PALS2: variants seen among roughly 807,000 people sequenced by gnomAD.
PALS2 encodes the protein protein PALS2.
Under a neutral mutation model 61.6 loss-of-function variants are expected in PALS2, and 27 were observed. That is an observed-to-expected ratio of 0.44 (90% CI 0.32 to 0.60). The LOEUF is 0.60. PALS2 is among the 20% of genes least tolerant of loss of function. The pLI, the probability that PALS2 is intolerant of heterozygous loss-of-function variation, is 0.05. For missense variants in PALS2, 554 were observed against 639.4 expected (o/e 0.87, Z 1.44); for synonymous variants, 236 against 218.6 (o/e 1.08, Z -0.70).
intron 9 of PALS2, among the ~76,000 whole-genome samples, chr7:24,672,654 C>G (rs757460366): frequency 1.3e-5 from 2 of 151,698 alleles, no homozygotes; most frequent in African/African-American, 4.8e-5. Context: ...GTATTTTTTT[C>G]TTTTTTATTC....
chr7:24,692,001 G>A lies in PALS2; in HGVS notation c.*4387G>A, dbSNP rs1420378580. 1 of 152,066 alleles carries A rather than the reference G, an allele frequency of 6.6e-6. No homozygotes were observed. The highest frequency in any genetic ancestry group is 1.5e-5 in the Non-Finnish European group (1 of 67,970). 9.4% of individuals were successfully genotyped at this position (152,066 alleles called of 1,614,324 possible). On this transcript the variant is annotated 3_prime_UTR_variant, in exon 12 of 12. Coordinates refer to ENST00000222644, the MANE Select transcript of PALS2 (RefSeq NM_001303037.2). The stretch of plus-strand genomic sequence containing the variant: ...CATATATTGTATACCTGAGGAAGAT[G>A]ACAGTTCTATAATTTTTTTAAGGTA...
chr7:24,629,975 G>A (rs1784925674), intron 2 of PALS2, among the ~76,000 whole-genome samples: 1 of 152,102 alleles, frequency 6.6e-6, no homozygotes, highest in African/African-American at 2.4e-5. Flanking sequence ...ATCCATTATT[G>A]GGTATATACC....
chr7:24,676,910 A>C (rs1315936102), intron 9 of PALS2, among the ~76,000 whole-genome samples: 1 of 151,142 alleles, frequency 6.6e-6, no homozygotes, highest in Non-Finnish European at 1.5e-5. Flanking sequence ...GAATTCTGTG[A>C]AGAAAGGCAT....
At chr7:24,647,605 C>T (rs181093424) in intron 3 of PALS2, among the ~76,000 whole-genome samples, 42 of 152,262 alleles carry the variant, frequency 2.8e-4, no homozygotes, top group Admixed American at 2.5e-3. Flanking sequence ...ACATTATTAG[C>T]TAGTATTCTT....
At chr7:24,607,631 A>G (rs1420872670) in intron 1 of PALS2, among the ~76,000 whole-genome samples, 1 of 149,500 alleles carries the variant, frequency 6.7e-6, no homozygotes, top group African/African-American at 2.5e-5. Flanking sequence ...GTGTATATAT[A>G]CATATATGTA....
At position 24,665,701 on chromosome 7, in the gene PALS2, C is replaced by A; in HGVS notation, c.883+14C>A. The A allele has an allele frequency of 1.2e-6, 2 of 1,602,954 alleles. No homozygotes were observed. Among genetic ancestry groups the A allele is most frequent in the Non-Finnish European group, 1.7e-6 (2 of 1,170,242 alleles). ...GGGACAATTCAGGTGATGAGCTCGACACAATAAGTAACAAGCAGTCCTTTG... is the reference window on the plus strand; with the variant it reads ...GGGACAATTCAGGTGATGAGCTCGAAACAATAAGTAACAAGCAGTCCTTTG... On this transcript the variant is annotated intron_variant, in intron 7 of 11. Coordinates refer to ENST00000222644, the MANE Select transcript of PALS2 (RefSeq NM_001303037.2).
rs1782549721 is a variant in PALS2, at chr7:24,573,924, G to T, written c.-3+331G>T. 6.6e-6 allele frequency: 1 copy of T among 152,458 alleles called. No homozygotes were observed. Among genetic ancestry groups the T allele is most frequent in the African/African-American group, 2.4e-5 (1 of 41,434 alleles). 9.4% of individuals were successfully genotyped at this position (152,458 alleles called of 1,614,324 possible). A position where few individuals can be genotyped will look rare whatever the true frequency, so the allele number is the denominator to read the frequency against. ...TGCTGCTTGCCGCCGCTCCCCACGCGCTCCCCGGCGCGGCCCCGACTGGGG... is the reference window on the plus strand; with the variant it reads ...TGCTGCTTGCCGCCGCTCCCCACGCTCTCCCCGGCGCGGCCCCGACTGGGG... On this transcript the variant is annotated intron_variant, in intron 1 of 11. Coordinates refer to ENST00000222644, the MANE Select transcript of PALS2 (RefSeq NM_001303037.2). The surrounding 1 kb of genome is among the most constrained non-coding windows in gnomAD (Gnocchi z 5.3).
chr7:24,611,506 A>G (rs938979803), intron 1 of PALS2, among the ~76,000 whole-genome samples: 3 of 152,064 alleles, frequency 2.0e-5, no homozygotes, highest in African/African-American at 7.2e-5. Flanking sequence ...ACCAAGAAGT[A>G]ATGATGTCCC....
At chr7:24,609,271 C>T in intron 1 of PALS2, among the ~76,000 whole-genome samples, 1 of 152,280 alleles carries the variant, frequency 6.6e-6, no homozygotes, top group East Asian at 1.9e-4. Context: ...CTCCCACCAG[C>T]CTTCTACCTG....
intron 5 of PALS2, among the ~76,000 whole-genome samples, chr7:24,662,406 A>G (rs555129759): frequency 9.8e-5 from 15 of 152,350 alleles, no homozygotes; most frequent in African/African-American, 3.4e-4. Flanking sequence ...ATGCTGATTA[A>G]TGCTAAGGCA....
In PALS2 at chr7:24,691,385, A is replaced by ATGTGTGTGTGTGTGTGTG; in HGVS notation, c.*3774_*3775insGTGTGTGTGTGTGTGTGT. The ATGTGTGTGTGTGTGTGTG allele has an allele frequency of 1.8e-5, 1 of 57,006 alleles. No homozygotes were observed. The highest frequency in any genetic ancestry group is 1.1e-4 in the African/African-American group (1 of 9,166). 3.5% of individuals were successfully genotyped at this position (57,006 alleles called of 1,614,324 possible). Reference sequence around the variant, plus strand: ...TTAAATGTTCGAGTTGCCATATATTATGTATGTGTGTGTGTGTGTGTATAT... The same window carrying ATGTGTGTGTGTGTGTGTG: ...TTAAATGTTCGAGTTGCCATATATTATGTGTGTGTGTGTGTGTGTGTATGTGTGTGTGTGTGTGTATAT... On this transcript the variant is annotated 3_prime_UTR_variant, in exon 12 of 12. Transcript: ENST00000222644.
chr7:24,656,629 C>T (rs971448141), intron 5 of PALS2, among the ~76,000 whole-genome samples: 9 of 152,096 alleles, frequency 5.9e-5, no homozygotes, highest in African/African-American at 2.2e-4. Context: ...CTCAGATAAT[C>T]CTTCTACCTC....
At chr7:24,677,118 A>G (rs1787653442) in intron 9 of PALS2, among the ~76,000 whole-genome samples, 1 of 150,526 alleles carries the variant, frequency 6.6e-6, no homozygotes. Context: ...ATTCCTAGGT[A>G]TTTTATTCCT....
intron 3 of PALS2, among the ~76,000 whole-genome samples, chr7:24,644,188 A>G (rs945665192): frequency 6.7e-6 from 1 of 149,858 alleles, no homozygotes; most frequent in African/African-American, 2.5e-5. Flanking sequence ...TTTGTTGTAC[A>G]TATTATTTTA....
At chr7:24,659,387 A>T (rs567201091) in intron 5 of PALS2, among the ~76,000 whole-genome samples, 1 of 152,208 alleles carries the variant, frequency 6.6e-6, no homozygotes, top group African/African-American at 2.4e-5. Flanking sequence ...GCTGGGTCAA[A>T]TGATAGTTCC....
At chr7:24,620,999 A>G (rs756323688) in intron 1 of PALS2, among the ~76,000 whole-genome samples, 1 of 152,204 alleles carries the variant, frequency 6.6e-6, no homozygotes, top group Non-Finnish European at 1.5e-5. Flanking sequence ...AAAGAAAGAA[A>G]AATAAATAAT....
At position 24,649,691 on chromosome 7, in the gene PALS2, C is replaced by T; in HGVS notation, c.350C>T (p.Ser117Phe). The stretch of plus-strand genomic sequence containing the variant: ...TCAAGCCCAGAAATGAATAATTCTT[C>T]TATCAATAATCAGTTATTACCAGTA... ...PPSSPEMNNS[S>F]INNQLLPVDA... Residue 117 changes from serine to phenylalanine, a missense_variant, in exon 4 of 12, where the codon TCT (serine) becomes TTT (phenylalanine). Ser to Phe is a radical substitution (Grantham distance 155). Coordinates refer to ENST00000222644, the MANE Select transcript of PALS2 (RefSeq NM_001303037.2). 1 of 1,611,764 alleles carries T rather than the reference C, an allele frequency of 6.2e-7. No homozygotes were observed. The highest frequency in any genetic ancestry group is 8.5e-7 in the Non-Finnish European group (1 of 1,178,934).
chr7:24,603,770 G>A (rs181785565), intron 1 of PALS2, among the ~76,000 whole-genome samples: 14 of 152,132 alleles, frequency 9.2e-5, no homozygotes, highest in Admixed American at 8.5e-4. Context: ...AATATTAAAC[G>A]GATGTCCTGA....
chr7:24,622,157 T>C (rs948820569), intron 1 of PALS2, among the ~76,000 whole-genome samples: 3 of 152,040 alleles, frequency 2.0e-5, no homozygotes, highest in Non-Finnish European at 2.9e-5. Context: ...TCTGGTTTTT[T>C]TGAGTTTCCA....
Sources: gnomAD v4.1 joint callset for allele counts (sites outside exome capture counted in the v4.1 genomes callset) on GRCh38, gnomAD v4.1.1 for gene constraint, Gnocchi (gnomAD v3.1) non-coding constraint, MANE v1.5 for transcripts, NCBI Gene and HGNC (gene_info 2026-07-23, HGNC 2026-07-21) for gene names.